Variants in UBA6 observed in about 807,000 individuals in gnomAD.
The protein encoded by UBA6 is ubiquitin-like modifier-activating enzyme 6.
In UBA6, 87 loss-of-function variants were observed where a neutral mutation model predicts 148.3. That is an observed-to-expected ratio of 0.59 (90% confidence interval 0.49 to 0.70). The LOEUF (loss-of-function observed/expected upper bound fraction) is 0.70, where lower values mean the gene tolerates loss of function less well. Among genes scored for constraint, UBA6 ranks in the 30% least tolerant of loss-of-function variants. UBA6 has a pLI of 0.00. For missense variants in UBA6, 1,186 were observed against 1,241.2 expected, an observed-to-expected ratio of 0.96 and a Z score of 0.67; for synonymous variants, 376 against 401.0, an observed-to-expected ratio of 0.94 and a Z score of 0.75.
Position 67,633,407 on chromosome 4 carries a change from T to C in UBA6, c.2080A>G (p.Arg694Gly), listed in dbSNP as rs369017186. 1 of 1,611,086 alleles carries C rather than the reference T, an allele frequency of 6.2e-7. No homozygotes were observed. Among genetic ancestry groups the C allele is most frequent in the African/African-American group, 1.3e-5 (1 of 74,810 alleles). Residue 694 changes from arginine (R) to glycine (G), a missense_variant, in exon 23 of 33, where the codon AGA (arginine) becomes GGA (glycine). By Grantham distance (125) the Arg-to-Gly change is moderately radical. Transcript: ENST00000322244. Reference sequence around the variant, plus strand: ...AATTCTACACACTGGGACCAATTTCTAGGTCTTCTGCTAAGTAACTTTATA... The same window carrying C: ...AATTCTACACACTGGGACCAATTTCCAGGTCTTCTGCTAAGTAACTTTATA... Reference protein sequence around the residue: ...QVIKLLSRRPRNWSQCVELAR... With the variant: ...QVIKLLSRRPGNWSQCVELAR...
chr4:67,687,312 G>A (rs1212229322), intron 2 of UBA6, among the ~76,000 whole-genome samples: 1 of 151,938 alleles, frequency 6.6e-6, no homozygotes, highest in Non-Finnish European at 1.5e-5. Context: ...GGGATTACAG[G>A]CGTCAGCCAC....
At chr4:67,648,123 T>C (rs1560486059) in intron 14 of UBA6, among the ~76,000 whole-genome samples, 1 of 151,822 alleles carries the variant, frequency 6.6e-6, no homozygotes. Context: ...TATTCTGTGT[T>C]GAAATAAATA....
chr4:67,691,533 G>C (rs995394708), intron 2 of UBA6, among the ~76,000 whole-genome samples: 3 of 152,126 alleles, frequency 2.0e-5, no homozygotes, highest in Non-Finnish European at 4.4e-5. Context: ...CCAGTAAATT[G>C]AATATTGCAG....
chr4:67,674,318 A>T (rs938642824), intron 6 of UBA6, among the ~76,000 whole-genome samples: 4 of 152,130 alleles, frequency 2.6e-5, no homozygotes, highest in African/African-American at 9.7e-5. Context: ...CATGAATGCA[A>T]GGCCCTTACC....
Position 67,618,743 on chromosome 4 carries a change from A to G in UBA6, c.*254T>C. The G allele has an allele frequency of 2.9e-6, 1 of 344,932 alleles. No individual in the cohort carries two copies. The allele number at this position is 344,932 out of a possible 1,614,324, so 21.4% of individuals were successfully genotyped here. A position where few individuals can be genotyped will look rare whatever the true frequency, so the allele number is the denominator to read the frequency against. On this transcript the variant is annotated 3_prime_UTR_variant, in exon 33 of 33. Transcript: ENST00000322244. ...AGATTAATACACAGATTAATACACA[A>G]AACTTTTGTAAATAGCATTCCAGTT...
At chr4:67,680,610 C>CT (rs1199842920) in intron 4 of UBA6, among the ~76,000 whole-genome samples, 1 of 152,176 alleles carries the variant, frequency 6.6e-6, no homozygotes, top group East Asian at 1.9e-4. Flanking sequence ...AATTTGAACT[C>CT]TAACTAGACA....
chr4:67,683,963 A>G (rs1341819904), intron 2 of UBA6, among the ~76,000 whole-genome samples: 2 of 152,162 alleles, frequency 1.3e-5, no homozygotes, highest in Non-Finnish European at 2.9e-5. Context: ...GTTAAGTCCC[A>G]GCTACTCGGA....
intron 26 of UBA6, among the ~76,000 whole-genome samples, chr4:67,629,613 A>G (rs1337648177): frequency 5.3e-5 from 8 of 152,064 alleles, no homozygotes; most frequent in African/African-American, 1.7e-4. Context: ...ATGAATTTAA[A>G]GCTATGGGTT....
chr4:67,633,342 T>C lies in UBA6; in HGVS notation c.2142+3A>G, dbSNP rs1335322446. ...TTCTTAATGTCTCACAATGCATACT[T>C]ACCTTATGGTTAAAATATTTTTCAA... On this transcript the variant is annotated splice_donor_region_variant and intron_variant, in intron 23 of 32. Coordinates refer to ENST00000322244, the MANE Select transcript of UBA6 (RefSeq NM_018227.6). 6.3e-7 allele frequency: 1 copy of C among 1,588,776 alleles called. No individual in the cohort carries two copies. The highest frequency in any genetic ancestry group is 8.5e-7 in the Non-Finnish European group (1 of 1,172,820).
chr4:67,644,829 A>G, intron 16 of UBA6, 51 bp from the exon 17 acceptor site: 2 of 884,044 alleles, frequency 2.3e-6, no homozygotes, highest in East Asian at 2.5e-5. Context: ...CTATCTGTGA[A>G]TCATTTTACT....
At chr4:67,627,188 T>A (rs1236961755) in intron 27 of UBA6, among the ~76,000 whole-genome samples, 2 of 152,002 alleles carry the variant, frequency 1.3e-5, no homozygotes, top group Non-Finnish European at 2.9e-5. Flanking sequence ...TATCATGAAG[T>A]AATATTTATT....
chr4:67,686,981 A>AAC (rs1730583926), intron 2 of UBA6, among the ~76,000 whole-genome samples: 1 of 136,370 alleles, frequency 7.3e-6, no homozygotes, highest in Non-Finnish European at 1.6e-5. Context: ...AAAAAAAAAA[A>AAC]AAAAAAAAAT....
At chr4:67,629,851 T>C (rs1430416325) in intron 26 of UBA6, among the ~76,000 whole-genome samples, 2 of 152,098 alleles carry the variant, frequency 1.3e-5, no homozygotes, top group African/African-American at 2.4e-5. Flanking sequence ...GTGTTAATTA[T>C]GGGATCTGAT....
At chr4:67,664,408 A>T (rs953470694) in intron 10 of UBA6, among the ~76,000 whole-genome samples, 3 of 152,064 alleles carry the variant, frequency 2.0e-5, no homozygotes, top group African/African-American at 7.2e-5. Flanking sequence ...GATATGCAGG[A>T]GCACATCTGA....
chr4:67,659,850 A>G (rs1729805686), intron 13 of UBA6, among the ~76,000 whole-genome samples: 1 of 152,180 alleles, frequency 6.6e-6, no homozygotes, highest in African/African-American at 2.4e-5. Context: ...TGATAGTGAT[A>G]TGGACAATGA....
intron 11 of UBA6, 161 bp from the exon 12 acceptor site, chr4:67,663,376 A>C: frequency 1.9e-6 from 1 of 519,470 alleles, no homozygotes; most frequent in Non-Finnish European, 3.5e-6. Context: ...GAAGGTTAGA[A>C]GTTAAATGAC....
rs1728657156 is a variant in UBA6 at position 67,617,639 on chromosome 4, A to C, written c.*1358T>G. ...TAAACTATTTGTAAATGAAATAAAA[A>C]GAAAGTAGGTATAATACATAGTGTA... On this transcript the variant is annotated 3_prime_UTR_variant, in exon 33 of 33. Coordinates refer to ENST00000322244, the MANE Select transcript of UBA6 (RefSeq NM_018227.6). 6.6e-6 allele frequency: 1 copy of C among 152,172 alleles called. No individual in the cohort carries two copies. The highest frequency in any genetic ancestry group is 6.5e-5 in the Admixed American group (1 of 15,282). The allele number at this position is 152,172 out of a possible 1,614,324, so 9.4% of individuals were successfully genotyped here. A position where few individuals can be genotyped will look rare whatever the true frequency, so the allele number is the denominator to read the frequency against.
intron 1 of UBA6, among the ~76,000 whole-genome samples, chr4:67,697,404 TTGA>T (rs1730866985): frequency 6.6e-6 from 1 of 152,226 alleles, no homozygotes; most frequent in South Asian, 2.1e-4. Flanking sequence ...TTCAATCCTA[TTGA>T]TGAATATATA....
At chr4:67,684,055 C>T (rs976896691) in intron 2 of UBA6, among the ~76,000 whole-genome samples, 8 of 152,130 alleles carry the variant, frequency 5.3e-5, no homozygotes, top group African/African-American at 1.7e-4. Context: ...CCAGCTTGGG[C>T]GACGGGAATG....
Sources: gnomAD v4.1 joint callset for allele counts (sites outside exome capture counted in the v4.1 genomes callset) on GRCh38, gnomAD v4.1.1 for gene constraint, MANE v1.5 for transcripts, NCBI Gene and HGNC (gene_info 2026-07-23, HGNC 2026-07-21) for gene names.